DPP10: variants seen among roughly 807,000 people sequenced by gnomAD.
DPP10 encodes dipeptidyl peptidase like 10.
In DPP10, 33 loss-of-function variants were observed where a neutral mutation model predicts 120.9. That is an observed-to-expected ratio of 0.27 (90% CI 0.21 to 0.37). The LOEUF is 0.37. DPP10 is among the 10% of genes least tolerant of loss of function. The probability of loss-of-function intolerance (pLI) is 1.00; values close to 1 mark genes in which losing one functional copy is unlikely to be tolerated. For synonymous variants in DPP10, 337 were observed against 326.1 expected (o/e 1.03, Z -0.36); for missense variants, 816 against 942.8 (o/e 0.87, Z 1.76).
intron 1 of DPP10, among the ~76,000 whole-genome samples, chr2:114,647,533 A>C (rs1425562149): frequency 3.3e-5 from 5 of 152,074 alleles, no homozygotes; most frequent in Non-Finnish European, 7.3e-5. Flanking sequence ...CTATGTTCTT[A>C]GTGGGTTCTA....
intron 5 of DPP10, among the ~76,000 whole-genome samples, chr2:115,632,479 C>T (rs573552504): frequency 1.8e-4 from 27 of 152,172 alleles, no homozygotes; most frequent in South Asian, 1.2e-3. Flanking sequence ...TGGCTGTTAA[C>T]GATTTTTCCC....
At chr2:115,572,183 A>G (rs2081373170) in intron 5 of DPP10, among the ~76,000 whole-genome samples, 1 of 151,470 alleles carries the variant, frequency 6.6e-6, no homozygotes, top group Non-Finnish European at 1.5e-5. Flanking sequence ...TAGGTATGCT[A>G]AAGACTTACC....
intron 5 of DPP10, among the ~76,000 whole-genome samples, chr2:115,632,258 T>G (rs1017325386): frequency 6.6e-6 from 1 of 152,180 alleles, no homozygotes; most frequent in Non-Finnish European, 1.5e-5. Flanking sequence ...TGCTTTCCAT[T>G]TGCTTGTTAA....
intron 1 of DPP10, among the ~76,000 whole-genome samples, chr2:115,183,026 C>T (rs1291724073): frequency 1.3e-5 from 2 of 152,086 alleles, no homozygotes; most frequent in Non-Finnish European, 2.9e-5. Flanking sequence ...CACACACACA[C>T]ACACGTACGT....
At position 115,534,942 on chromosome 2, in the gene DPP10, C is replaced by T. The variant is rs1320872649; in HGVS notation, c.441+8970C>T. Among the ~76,000 whole-genome samples, 3 of 151,518 alleles carry T rather than the reference C, an allele frequency of 2.0e-5. No homozygotes were observed. The East Asian group carries it at 5.8e-4, about 30-fold the overall frequency. On this transcript the variant is annotated intron_variant, in intron 5 of 25. Transcript: ENST00000410059. Reference sequence around the variant, plus strand: ...GAAGTGTCTGTTCATGTCCTTCGCCCACTTTTTGATGGGGTTGTTTGTTTT... The same window carrying T: ...GAAGTGTCTGTTCATGTCCTTCGCCTACTTTTTGATGGGGTTGTTTGTTTT...
intron 21 of DPP10, among the ~76,000 whole-genome samples, chr2:115,817,450 G>C: frequency 6.6e-6 from 1 of 152,084 alleles, no homozygotes; most frequent in East Asian, 1.9e-4. Context: ...ACAGGTGGGT[G>C]TATAAAAAAC....
In DPP10 at chr2:115,753,288, T is replaced by C; in HGVS notation, c.1065T>C (p.Ala355=). 1 of 1,599,382 alleles carries C rather than the reference T, an allele frequency of 6.3e-7. No individual in the cohort carries two copies. The highest frequency in any genetic ancestry group is 1.1e-5 in the South Asian group (1 of 88,826). ...ILTVCETTTG[A]CSKKYEMTSD... is the part of the protein sequence containing the mutation. ...CAGTCTGTGAGACCACTACAGGTGC[T>C]TGTAGTAAAGTGAGTATAATTTATT... The change falls in exon 11 of 26, where the codon GCT becomes GCC. Residue 355 remains alanine (A), a synonymous_variant. Coordinates refer to ENST00000410059, the MANE Select transcript of DPP10 (RefSeq NM_020868.6).
At chr2:114,983,930 T>C (rs1700242328) in intron 1 of DPP10, among the ~76,000 whole-genome samples, 2 of 152,192 alleles carry the variant, frequency 1.3e-5, no homozygotes, top group African/African-American at 4.8e-5. Flanking sequence ...ATATTCTGGC[T>C]CCAGAGCCCA....
chr2:115,324,618 A>C (rs766522176), intron 2 of DPP10, among the ~76,000 whole-genome samples: 1 of 152,132 alleles, frequency 6.6e-6, no homozygotes, highest in African/African-American at 2.4e-5. Context: ...TTGATCTTCT[A>C]TCCAGAACAC....
At chr2:115,007,960 G>A (rs1387467983) in intron 1 of DPP10, among the ~76,000 whole-genome samples, 2 of 151,982 alleles carry the variant, frequency 1.3e-5, no homozygotes, top group African/African-American at 4.8e-5. Context: ...ATTCCATGCT[G>A]ATGGATAGGA....
chr2:114,777,901 C>G (rs990705857), intron 1 of DPP10, among the ~76,000 whole-genome samples: 1 of 152,044 alleles, frequency 6.6e-6, no homozygotes, highest in Non-Finnish European at 1.5e-5. Context: ...AATTTTATGA[C>G]AGGTTCTGCT....
At chr2:115,738,514 A>G (rs1310946815) in intron 8 of DPP10, among the ~76,000 whole-genome samples, 3 of 152,160 alleles carry the variant, frequency 2.0e-5, no homozygotes, top group African/African-American at 7.2e-5. Context: ...TAGGACAGGC[A>G]TTACAAGATT....
chr2:114,833,861 C>G (rs1454722516), intron 1 of DPP10: 1 of 152,108 alleles, frequency 6.6e-6, no homozygotes, highest in Non-Finnish European at 1.5e-5. Context: ...CATAAACCCT[C>G]TTTTTGTCCT....
intron 1 of DPP10, among the ~76,000 whole-genome samples, chr2:115,003,482 G>C (rs1701593230): frequency 6.6e-6 from 1 of 151,626 alleles, no homozygotes; most frequent in Non-Finnish European, 1.5e-5. Context: ...TTTACCTATA[G>C]AACAAATTTG....
chr2:115,408,679 A>T (rs941444815), intron 3 of DPP10, among the ~76,000 whole-genome samples: 2 of 152,186 alleles, frequency 1.3e-5, no homozygotes, highest in East Asian at 1.9e-4. Context: ...TAGTTGGAAC[A>T]TCTTCAAAAT....
At position 115,836,693 on chromosome 2, in the gene DPP10, A is replaced by C. The variant is rs760403003; in HGVS notation, c.2129A>C (p.Asn710Thr). Residue 710 changes from asparagine (N) to threonine (T), a missense_variant, in exon 24 of 26, where the codon AAT becomes ACT. Around this residue, in one of 3 missense-constraint regions of DPP10, gnomAD observed 592 missense variants for 649.0 expected, o/e 0.91. Coordinates refer to ENST00000410059, the MANE Select transcript of DPP10 (RefSeq NM_020868.6). ...STYQAASVLH[N>T]VHGLKEENIL... ...TTATAGGCAGCCAGTGTGCTACATA[A>C]TGTTCATGGCTTGAAAGAAGAAAAT... 5 of 1,613,640 alleles carry C rather than the reference A, an allele frequency of 3.1e-6. No individual in the cohort carries two copies. Among genetic ancestry groups the C allele is most frequent in the South Asian group, 1.1e-5 (1 of 90,998 alleles).
intron 1 of DPP10, among the ~76,000 whole-genome samples, chr2:114,770,144 C>T (rs528398342): frequency 2.0e-4 from 30 of 152,146 alleles, no homozygotes; most frequent in African/African-American, 6.3e-4. Flanking sequence ...TACCAAAATA[C>T]CCATGCAGGG....
intron 1 of DPP10, among the ~76,000 whole-genome samples, chr2:115,022,671 A>C (rs1040818832): frequency 1.3e-5 from 2 of 152,010 alleles, no homozygotes; most frequent in African/African-American, 2.4e-5. Context: ...ATATGGAACC[A>C]AAAAAGAGCC....
Position 115,194,500 on chromosome 2 carries a change from C to T in DPP10, c.61-114739C>T, listed in dbSNP as rs149733606. Among the ~76,000 whole-genome samples the T allele has an allele frequency of 3.0e-3, 457 of 152,222 alleles. 1 individual carries two copies. The highest frequency in any genetic ancestry group is 0.01 in the African/African-American group (421 of 41,550). ...TTTTGGGTAAGTATTTCTAAGGCTA[C>T]GCACTTGTTTACACTGACAAAAAGA... is the stretch of plus-strand genomic sequence containing the variant. On this transcript the variant is annotated intron_variant, in intron 1 of 25. Coordinates refer to ENST00000410059, the MANE Select transcript of DPP10 (RefSeq NM_020868.6).
Sources: gnomAD v4.1 joint callset for allele counts (sites outside exome capture counted in the v4.1 genomes callset) on GRCh38, gnomAD v4.1.1 for gene constraint, gnomAD v4.1.1 regional missense constraint, MANE v1.5 for transcripts, NCBI Gene and HGNC (gene_info 2026-07-23, HGNC 2026-07-21) for gene names.